The following MTHFD1L variants were observed in gnomAD, a reference collection of about 807,000 sequenced individuals.
MTHFD1L encodes the protein methylenetetrahydrofolate dehydrogenase (NADP+ dependent) 1 like.
In MTHFD1L, 81 loss-of-function variants were observed where a neutral mutation model predicts 119.5. That is an observed-to-expected ratio of 0.68 (90% confidence interval 0.57 to 0.82). The LOEUF (loss-of-function observed/expected upper bound fraction) is 0.82, where lower values mean the gene tolerates loss of function less well. Among genes scored for constraint, MTHFD1L ranks in the 40% least tolerant of loss-of-function variants. The pLI is 0.00. For missense variants in MTHFD1L, 1,125 were observed against 1,253.4 expected, an observed-to-expected ratio of 0.90 and a Z score of 1.55; for synonymous variants, 430 against 475.2, an observed-to-expected ratio of 0.90 and a Z score of 1.24.
chr6:150,943,440 G>T (rs562239295), intron 13 of MTHFD1L, among the ~76,000 whole-genome samples: 2 of 151,950 alleles, frequency 1.3e-5, no homozygotes, highest in African/African-American at 4.8e-5. Context: ...AGACCAACCT[G>T]TGCAACATAG....
chr6:150,977,754 G>C (rs1350025176), intron 20 of MTHFD1L, among the ~76,000 whole-genome samples: 2 of 152,156 alleles, frequency 1.3e-5, no homozygotes, highest in Admixed American at 1.3e-4. Flanking sequence ...TTGCAGAGGA[G>C]TGCAGAATGC....
chr6:151,045,209 G>A (rs1413800633), intron 26 of MTHFD1L, among the ~76,000 whole-genome samples: 1 of 152,126 alleles, frequency 6.6e-6, no homozygotes, highest in African/African-American at 2.4e-5. Context: ...ACATTTTCCA[G>A]AGATTTACGG....
intron 10 of MTHFD1L, among the ~76,000 whole-genome samples, chr6:150,924,397 T>C (rs917577134): frequency 2.6e-5 from 4 of 152,200 alleles, no homozygotes; most frequent in African/African-American, 7.2e-5. Context: ...GGTCTTGAAC[T>C]CCTGACCTCA....
At chr6:150,915,432 T>G (rs1481605468) in intron 8 of MTHFD1L, among the ~76,000 whole-genome samples, 1 of 152,234 alleles carries the variant, frequency 6.6e-6, no homozygotes, top group African/African-American at 2.4e-5. Flanking sequence ...ATCCACACTT[T>G]TGCTAAGTTC....
chr6:150,896,688 G>A (rs1055849642), intron 7 of MTHFD1L, among the ~76,000 whole-genome samples: 3 of 152,162 alleles, frequency 2.0e-5, no homozygotes, highest in East Asian at 3.9e-4. Flanking sequence ...TACCAAGGAA[G>A]AAAGTGAATA....
intron 8 of MTHFD1L, among the ~76,000 whole-genome samples, chr6:150,911,697 G>A (rs1249281607): frequency 1.3e-5 from 2 of 152,126 alleles, no homozygotes; most frequent in African/African-American, 4.8e-5. Flanking sequence ...ACATACACGA[G>A]ACGGGGAAGA....
intron 26 of MTHFD1L, among the ~76,000 whole-genome samples, chr6:151,091,334 C>T (rs1246734054): frequency 6.7e-6 from 1 of 148,950 alleles, no homozygotes; most frequent in Admixed American, 6.8e-5. Context: ...ACTATTAAAG[C>T]ACAGTAGGAA....
chr6:151,087,561 A>T (rs544126573), intron 26 of MTHFD1L, among the ~76,000 whole-genome samples: 1 of 152,182 alleles, frequency 6.6e-6, no homozygotes, highest in Non-Finnish European at 1.5e-5. Context: ...AAAATAAATT[A>T]TTTCAGAAAC....
chr6:150,929,839 G>C (rs1211024440), intron 11 of MTHFD1L, among the ~76,000 whole-genome samples: 2 of 150,642 alleles, frequency 1.3e-5, no homozygotes, highest in Non-Finnish European at 2.9e-5. Context: ...GACCTTTGAA[G>C]GAACAAAAAT....
At chr6:150,954,690 A>C (rs1795360758) in intron 16 of MTHFD1L, among the ~76,000 whole-genome samples, 1 of 152,028 alleles carries the variant, frequency 6.6e-6, no homozygotes, top group South Asian at 2.1e-4. Context: ...AAGAGAGACA[A>C]GGTCTCACTT....
At chr6:150,959,787 C>T (rs920761699) in intron 17 of MTHFD1L, among the ~76,000 whole-genome samples, 12 of 152,208 alleles carry the variant, frequency 7.9e-5, no homozygotes, top group African/African-American at 2.7e-4. Flanking sequence ...GGCCCGTAGG[C>T]TAGTCATTAA....
intron 17 of MTHFD1L, 135 bp from the exon 18 acceptor site, chr6:150,960,140 G>A (rs1583809514): frequency 8.3e-7 from 1 of 1,201,838 alleles, no homozygotes; most frequent in Non-Finnish European, 1.1e-6. Context: ...AAAACTGATG[G>A]GATTGCATGC....
At chr6:151,070,561 T>C (rs1235971867) in intron 26 of MTHFD1L, among the ~76,000 whole-genome samples, 1 of 152,206 alleles carries the variant, frequency 6.6e-6, no homozygotes, top group Admixed American at 6.5e-5. Flanking sequence ...AACATTTCCT[T>C]AATGGACTAG....
At chr6:151,021,247 A>T (rs2128502856) in intron 24 of MTHFD1L, among the ~76,000 whole-genome samples, 1 of 152,236 alleles carries the variant, frequency 6.6e-6, no homozygotes, top group East Asian at 1.9e-4. Context: ...ATGCTGGAAC[A>T]TAGAAAGCAG....
chr6:150,938,202 G>C (rs1792452056), intron 12 of MTHFD1L, among the ~76,000 whole-genome samples: 1 of 152,050 alleles, frequency 6.6e-6, no homozygotes, highest in African/African-American at 2.4e-5. Flanking sequence ...ATTTTTAATA[G>C]AGATAGGGTT....
intron 6 of MTHFD1L, among the ~76,000 whole-genome samples, chr6:150,886,260 C>T (rs573548459): frequency 6.6e-6 from 1 of 152,178 alleles, no homozygotes; most frequent in South Asian, 2.1e-4. Context: ...ATACTGAGAC[C>T]TTGTCTCTAC....
intron 26 of MTHFD1L, among the ~76,000 whole-genome samples, chr6:151,075,376 G>T (rs1376220558): frequency 2.0e-5 from 3 of 152,082 alleles, no homozygotes; most frequent in Non-Finnish European, 4.4e-5. Context: ...CTAGAGCAAA[G>T]AGTAGTACCA....
intron 26 of MTHFD1L, among the ~76,000 whole-genome samples, chr6:151,084,768 A>G (rs1489654973): frequency 2.0e-5 from 3 of 151,638 alleles, no homozygotes; most frequent in African/African-American, 7.3e-5. Flanking sequence ...GATCGAGACC[A>G]TCCTGGCTAA....
rs541595263 is a variant in MTHFD1L, at chr6:151,003,574, A to G, written c.2126-6245A>G. 2.2e-4 allele frequency among the ~76,000 whole-genome samples: 34 copies of G among 152,136 alleles called. No individual in the cohort carries two copies. In the South Asian group the frequency reaches 3.1e-3, roughly 14 times the overall value. On this transcript the variant is annotated intron_variant, in intron 20 of 27. Coordinates refer to ENST00000367321, the MANE Select transcript of MTHFD1L (RefSeq NM_015440.5). ...AAAGGTCAGAAAGACGTTCTTTTTC[A>G]CTAGGTGATGAATTAATCTTTCCCA...
Sources: gnomAD v4.1 joint callset for allele counts (sites outside exome capture counted in the v4.1 genomes callset) on GRCh38, gnomAD v4.1.1 for gene constraint, MANE v1.5 for transcripts, NCBI Gene and HGNC (gene_info 2026-07-23, HGNC 2026-07-21) for gene names.